Variants in CLEC11A observed in about 807,000 individuals in gnomAD.
CLEC11A encodes C-type lectin domain containing 11A, also known as C-type lectin domain family 11 member A.
In CLEC11A, 35 loss-of-function variants were observed where a neutral mutation model predicts 33.9. The observed-to-expected ratio is 1.03, with a 90% CI of 0.79 to 1.37. CLEC11A has a LOEUF of 1.37. CLEC11A is among the 40% of genes most tolerant of loss of function. The pLI is 0.00. For missense variants in CLEC11A, 519 were observed against 455.5 expected, an observed-to-expected ratio of 1.14 and a Z score of -1.27; for synonymous variants, 220 against 202.2, an observed-to-expected ratio of 1.09 and a Z score of -0.75.
In CLEC11A at chr19:50,724,955, G is replaced by A; in HGVS notation, c.527-67G>A. On this transcript the variant is annotated intron_variant, in intron 3 of 3. Coordinates refer to ENST00000250340, the MANE Select transcript of CLEC11A (RefSeq NM_002975.3). This position sits in a 1 kb window ranked among gnomAD's most constrained non-coding sequence, Gnocchi z 4.1. ...GCCTCCCTCCACCCCCGGATGTTTT[G>A]TCCTCGCCCCCTTCCAGACTCTGAA... 1.5e-6 allele frequency: 2 copies of A among 1,332,856 alleles called. No homozygotes were observed. Among genetic ancestry groups the A allele is most frequent in the Non-Finnish European group, 9.6e-7 (1 of 1,042,670 alleles). 82.6% of individuals were successfully genotyped at this position (1,332,856 alleles called of 1,614,324 possible). A position where few individuals can be genotyped will look rare whatever the true frequency, so the allele number is the denominator to read the frequency against.
chr19:50,725,087 G>C lies in CLEC11A; in HGVS notation c.592G>C (p.Ala198Pro). The change falls in exon 4 of 4, where the codon GCG becomes CCG. Residue 198 changes from alanine (A) to proline (P), a missense_variant. Transcript: ENST00000250340. ...FLLSRDFEAQ[A>P]AAQARCTARG... ...GCTCTCGCGCGACTTCGAAGCTCAG[G>C]CGGCGGCGCAGGCGCGGTGCACGGC... 5 of 1,522,104 alleles carry C rather than the reference G, an allele frequency of 3.3e-6. No individual in the cohort carries two copies. Among genetic ancestry groups the C allele is most frequent in the Non-Finnish European group, 4.4e-6 (5 of 1,137,110 alleles). The allele number at this position is 1,522,104 out of a possible 1,614,324, so 94.3% of individuals were successfully genotyped here.
In CLEC11A at chr19:50,724,209, C is replaced by T. The variant is rs1411960161; in HGVS notation, c.334+118C>T. On this transcript the variant is annotated intron_variant, in intron 2 of 3. Coordinates refer to ENST00000250340, the MANE Select transcript of CLEC11A (RefSeq NM_002975.3). The surrounding 1 kb of genome is among the most constrained non-coding windows in gnomAD (Gnocchi z 4.1). ...CAGTTGTCCATTGCCCAGCCCAGAG[C>T]CCCCACACCCCTAGGAGCCCCAGGT... The T allele has an allele frequency of 1.3e-6, 2 of 1,498,420 alleles. No individual in the cohort carries two copies. Among genetic ancestry groups the T allele is most frequent in the African/African-American group, 1.4e-5 (1 of 71,066 alleles). The allele number at this position is 1,498,420 out of a possible 1,614,324, so 92.8% of individuals were successfully genotyped here.
Position 50,724,545 on chromosome 19 carries a change from T to G in CLEC11A, c.470T>G (p.Val157Gly). ...GCGGCAGGCGACACCCGCGATGCCG[T>G]GCAAGCCCTGCAGGAGGCGCAGGGT... ...RNAAGDTRDA[V>G]QALQEAQGRA... is the part of the protein sequence containing the mutation. The change falls in exon 3 of 4, where the codon GTG becomes GGG. Residue 157 changes from valine (V) to glycine (G), a missense_variant. Transcript: ENST00000250340. This position sits in a 1 kb window ranked among gnomAD's most constrained non-coding sequence, Gnocchi z 4.1. 6.6e-7 allele frequency: 1 copy of G among 1,518,808 alleles called. No individual in the cohort carries two copies. The highest frequency in any genetic ancestry group is 2.0e-5 in the Admixed American group (1 of 50,064). 94.1% of individuals were successfully genotyped at this position (1,518,808 alleles called of 1,614,324 possible).
In CLEC11A at chr19:50,724,005, G is replaced by C. The variant is rs761689226; in HGVS notation, c.248G>C (p.Gly83Ala). ...GACTGGGAGATGGAGGAGGACCAGGGGGAGGAAGAGGAGGAGGAAGCAACG... is the reference window on the plus strand; with the variant it reads ...GACTGGGAGATGGAGGAGGACCAGGCGGAGGAAGAGGAGGAGGAAGCAACG... ...KEDWEMEEDQ[G>A]EEEEEEATPT... Residue 83 changes from glycine (G) to alanine (A), a missense_variant, in exon 2 of 4, where the codon GGG becomes GCG. Transcript: ENST00000250340. The surrounding 1 kb of genome is among the most constrained non-coding windows in gnomAD (Gnocchi z 4.1). 6.2e-7 allele frequency: 1 copy of C among 1,612,766 alleles called. No individual in the cohort carries two copies. Among genetic ancestry groups the C allele is most frequent in the South Asian group, 1.1e-5 (1 of 91,040 alleles).
chr19:50,725,089 G>A lies in CLEC11A; in HGVS notation c.594G>A (p.Ala198=), dbSNP rs771250677. 11 of 1,521,382 alleles carry A rather than the reference G, an allele frequency of 7.2e-6. No individual in the cohort carries two copies. The African/African-American group carries it at 1.4e-4, about 20-fold the overall frequency. 94.2% of individuals were successfully genotyped at this position (1,521,382 alleles called of 1,614,324 possible). ...TCTCGCGCGACTTCGAAGCTCAGGC[G>A]GCGGCGCAGGCGCGGTGCACGGCGC... ...FLLSRDFEAQ[A]AAQARCTARG... Residue 198 remains alanine (A), a synonymous_variant, in exon 4 of 4, where the codon GCG becomes GCA. Transcript: ENST00000250340.
At position 50,723,413 on chromosome 19, in the gene CLEC11A, TG is replaced by T; in HGVS notation, c.-108del. 9.3e-7 allele frequency: 1 copy of T among 1,074,674 alleles called. No individual in the cohort carries two copies. Among genetic ancestry groups the T allele is most frequent in the Non-Finnish European group, 1.4e-6 (1 of 721,908 alleles). The allele number at this position is 1,074,674 out of a possible 1,614,324, so 66.6% of individuals were successfully genotyped here. Reference sequence around the variant, plus strand: ...AGAGAAGCTGGGAGAATCGGGAACCTGGGGGCTAGTGACCTGCACACAGGGC... The same window carrying T: ...AGAGAAGCTGGGAGAATCGGGAACCTGGGGCTAGTGACCTGCACACAGGGC... On this transcript the variant is annotated 5_prime_UTR_variant, in exon 1 of 4. Transcript: ENST00000250340. The surrounding 1 kb of genome is among the most constrained non-coding windows in gnomAD (Gnocchi z 4.1).
Position 50,725,568 on chromosome 19 carries a change from T to A in CLEC11A, c.*101T>A. The A allele has an allele frequency of 2.8e-6, 4 of 1,447,674 alleles. No homozygotes were observed. Among genetic ancestry groups the A allele is most frequent in the Non-Finnish European group, 3.6e-6 (4 of 1,096,682 alleles). The allele number at this position is 1,447,674 out of a possible 1,614,324, so 89.7% of individuals were successfully genotyped here. Reference sequence around the variant, plus strand: ...TCTCCCTTCCCTTCCTGGCCACGAATGGCAGCGTCCTCCCCGACCCCCAGT... The same window carrying A: ...TCTCCCTTCCCTTCCTGGCCACGAAAGGCAGCGTCCTCCCCGACCCCCAGT... On this transcript the variant is annotated 3_prime_UTR_variant, in exon 4 of 4. Coordinates refer to ENST00000250340, the MANE Select transcript of CLEC11A (RefSeq NM_002975.3).
chr19:50,725,053 G>A lies in CLEC11A; in HGVS notation c.558G>A (p.Lys186=), dbSNP rs1440181303. Residue 186 remains lysine, a synonymous_variant, in exon 4 of 4, where the codon AAG becomes AAA. Transcript: ENST00000250340. Reference sequence around the variant, plus strand: ...TGAAGGGGCTGCGCCTGGGCCACAAGTGCTTCCTGCTCTCGCGCGACTTCG... The same window carrying A: ...TGAAGGGGCTGCGCCTGGGCCACAAATGCTTCCTGCTCTCGCGCGACTTCG... ...GCLKGLRLGH[K]CFLLSRDFEA... is the part of the protein sequence containing the mutation. The A allele has an allele frequency of 6.6e-7, 1 of 1,515,402 alleles. No individual in the cohort carries two copies. The highest frequency in any genetic ancestry group is 1.3e-5 in the South Asian group (1 of 78,600). The allele number at this position is 1,515,402 out of a possible 1,614,324, so 93.9% of individuals were successfully genotyped here. A position where few individuals can be genotyped will look rare whatever the true frequency, so the allele number is the denominator to read the frequency against.
Position 50,724,763 on chromosome 19 carries a change from G to T in CLEC11A, c.526+162G>T, listed in dbSNP as rs1041540623. Among the ~76,000 whole-genome samples the T allele has an allele frequency of 2.0e-5, 3 of 152,028 alleles. No homozygotes were observed. The highest frequency in any genetic ancestry group is 6.5e-5 in the Admixed American group (1 of 15,288). Reference sequence around the variant, plus strand: ...AGCTGGGAGGCTGAATGCAGGGAGCGGGTGGGCACTCCAGACCCGCGCGGA... The same window carrying T: ...AGCTGGGAGGCTGAATGCAGGGAGCTGGTGGGCACTCCAGACCCGCGCGGA... On this transcript the variant is annotated intron_variant, in intron 3 of 3. Coordinates refer to ENST00000250340, the MANE Select transcript of CLEC11A (RefSeq NM_002975.3). The surrounding 1 kb of genome is among the most constrained non-coding windows in gnomAD (Gnocchi z 4.1).
At position 50,723,904 on chromosome 19, in the gene CLEC11A, G is replaced by A. The variant is rs115707451; in HGVS notation, c.148-1G>A. The A allele has an allele frequency of 6.7e-4, 1,079 of 1,605,460 alleles. 7 individuals carry two copies. The African/African-American group carries it at 0.012, about 18-fold the overall frequency. On this transcript the variant is annotated splice_acceptor_variant, in intron 1 of 3. Transcript: ENST00000250340. LOFTEE classifies it high-confidence loss of function. This position sits in a 1 kb window ranked among gnomAD's most constrained non-coding sequence, Gnocchi z 4.1. The stretch of plus-strand genomic sequence containing the variant: ...GGCTCACCACCCCTCCCCTGCCCCA[G>A]CATCTGCAGGAAGCCCTAGGACTGC...
At position 50,724,497 on chromosome 19, in the gene CLEC11A, A is replaced by G. The variant is rs1163617798; in HGVS notation, c.422A>G (p.Gln141Arg). ...GACACCCGCGTGGTCGAGCTGACCCAGGGGCTGCGGCAGCTGCGGAACGCG... is the reference window on the plus strand; with the variant it reads ...GACACCCGCGTGGTCGAGCTGACCCGGGGGCTGCGGCAGCTGCGGAACGCG... ...ALDTRVVELT[Q>R]GLRQLRNAAG... Residue 141 changes from glutamine to arginine, a missense_variant, in exon 3 of 4, where the codon CAG becomes CGG. Transcript: ENST00000250340. This position sits in a 1 kb window ranked among gnomAD's most constrained non-coding sequence, Gnocchi z 4.1. 1 of 1,576,040 alleles carries G rather than the reference A, an allele frequency of 6.3e-7. No homozygotes were observed.
Position 50,724,960 on chromosome 19 carries a change from C to T in CLEC11A, c.527-62C>T, listed in dbSNP as rs796623203. On this transcript the variant is annotated intron_variant, in intron 3 of 3. Coordinates refer to ENST00000250340, the MANE Select transcript of CLEC11A (RefSeq NM_002975.3). The surrounding 1 kb of genome is among the most constrained non-coding windows in gnomAD (Gnocchi z 4.1). The stretch of plus-strand genomic sequence containing the variant: ...CCTCCACCCCCGGATGTTTTGTCCT[C>T]GCCCCCTTCCAGACTCTGAATGCAT... 9.9e-6 allele frequency: 14 copies of T among 1,413,496 alleles called. No homozygotes were observed. In the African/African-American group the frequency reaches 1.8e-4, roughly 18 times the overall value. 87.6% of individuals were successfully genotyped at this position (1,413,496 alleles called of 1,614,324 possible). A position where few individuals can be genotyped will look rare whatever the true frequency, so the allele number is the denominator to read the frequency against.
rs2089169494 is a variant in CLEC11A, at chr19:50,724,689, G to T, written c.526+88G>T. On this transcript the variant is annotated intron_variant, in intron 3 of 3. Transcript: ENST00000250340. This position sits in a 1 kb window ranked among gnomAD's most constrained non-coding sequence, Gnocchi z 4.1. ...TGAGAAGGTGACCCTAGGTGTCCGGGGCGGGAGAGTTCGGGAGAGCTGCTG... is the reference window on the plus strand; with the variant it reads ...TGAGAAGGTGACCCTAGGTGTCCGGTGCGGGAGAGTTCGGGAGAGCTGCTG... 5 of 1,303,244 alleles carry T rather than the reference G, an allele frequency of 3.8e-6. No individual in the cohort carries two copies. The African/African-American group carries it at 7.8e-5, about 20-fold the overall frequency. The allele number at this position is 1,303,244 out of a possible 1,614,324, so 80.7% of individuals were successfully genotyped here.
At position 50,723,370 on chromosome 19, in the gene CLEC11A, G is replaced by A; in HGVS notation, c.-156G>A. On this transcript the variant is annotated 5_prime_UTR_variant, in exon 1 of 4. Transcript: ENST00000250340. The surrounding 1 kb of genome is among the most constrained non-coding windows in gnomAD (Gnocchi z 4.1). ...GGAGACCAACGGACCGGACAGAGAC[G>A]AGGAGAGGAACAGGAAGAGAGAAGC... 3.5e-5 allele frequency: 26 copies of A among 736,258 alleles called. No individual in the cohort carries two copies. In the South Asian group the frequency reaches 3.9e-4, roughly 11 times the overall value. 45.6% of individuals were successfully genotyped at this position (736,258 alleles called of 1,614,324 possible).
chr19:50,723,939 G>C lies in CLEC11A; in HGVS notation c.182G>C (p.Arg61Thr). The change falls in exon 2 of 4, where the codon AGG becomes ACG. Residue 61 changes from arginine (R) to threonine (T), a missense_variant. Transcript: ENST00000250340. This position sits in a 1 kb window ranked among gnomAD's most constrained non-coding sequence, Gnocchi z 4.1. ...LQEALGLPAGRGDENPAGTVE... is the reference protein window; with the variant it reads ...LQEALGLPAGTGDENPAGTVE... ...GAAGCCCTAGGACTGCCTGCTGGGA[G>C]GGGGGATGAGAATCCTGCCGGAACT... 1 of 1,613,354 alleles carries C rather than the reference G, an allele frequency of 6.2e-7. No individual in the cohort carries two copies. Among genetic ancestry groups the C allele is most frequent in the Middle Eastern group, 1.7e-4 (1 of 5,956 alleles).
rs768890478 is a variant in CLEC11A, at chr19:50,723,562, C to T, written c.37C>T (p.Pro13Ser). 3.1e-6 allele frequency: 5 copies of T among 1,612,376 alleles called. No individual in the cohort carries two copies. The highest frequency in any genetic ancestry group is 4.2e-6 in the Non-Finnish European group (5 of 1,179,984). The change falls in exon 1 of 4, where the codon CCC becomes TCC. Residue 13 changes from proline to serine, a missense_variant. Physicochemically the swap from Pro to Ser is moderately conservative, Grantham distance 74. Transcript: ENST00000250340. This position sits in a 1 kb window ranked among gnomAD's most constrained non-coding sequence, Gnocchi z 4.1. ...CTGGCTTTTGGGGGCTTTGGTGGTC[C>T]CCCAGCTCTTGGGCTTTGGCCATGG... is the stretch of plus-strand genomic sequence containing the variant. ...AAWLLGALVVPQLLGFGHGAR... is the reference protein window; with the variant it reads ...AAWLLGALVVSQLLGFGHGAR...
In CLEC11A at chr19:50,724,589, G is replaced by A; in HGVS notation, c.514G>A (p.Gly172Ser). The stretch of plus-strand genomic sequence containing the variant: ...GCAGGGTCGCGCCGAGCGCGAGCAC[G>A]GCCGCTTGGAGGGTGAGTCCGCGGC... ...EAQGRAEREH[G>S]RLEGCLKGLR... The change falls in exon 3 of 4, where the codon GGC (glycine) becomes AGC (serine). Residue 172 changes from glycine (G) to serine (S), a missense_variant. Transcript: ENST00000250340. The surrounding 1 kb of genome is among the most constrained non-coding windows in gnomAD (Gnocchi z 4.1). 7.0e-7 allele frequency: 1 copy of A among 1,419,558 alleles called. No homozygotes were observed. The highest frequency in any genetic ancestry group is 2.8e-5 in the East Asian group (1 of 35,416). The allele number at this position is 1,419,558 out of a possible 1,614,324, so 87.9% of individuals were successfully genotyped here.
rs776301150 is a variant in CLEC11A, at chr19:50,724,075, C to T, written c.318C>T (p.Asp106=). Residue 106 remains aspartate (D), a synonymous_variant, in exon 2 of 4, where the codon GAC becomes GAT. Transcript: ENST00000250340. This position sits in a 1 kb window ranked among gnomAD's most constrained non-coding sequence, Gnocchi z 4.1. Reference sequence around the variant, plus strand: ...CCAGCCCCTCTCCCACCCCTGAGGACATCGTCACTTACATCCGTGAGTAAC... The same window carrying T: ...CCAGCCCCTCTCCCACCCCTGAGGATATCGTCACTTACATCCGTGAGTAAC... ...SGPSPSPTPE[D]IVTYILGRLA... is the part of the protein sequence containing the mutation. 30 of 1,613,040 alleles carry T rather than the reference C, an allele frequency of 1.9e-5. No homozygotes were observed. In the African/African-American group the frequency reaches 3.6e-4, roughly 19 times the overall value.
chr19:50,725,373 T>G lies in CLEC11A; in HGVS notation c.878T>G (p.Leu293Arg). 6.2e-7 allele frequency: 1 copy of G among 1,612,092 alleles called. No homozygotes were observed. Among genetic ancestry groups the G allele is most frequent in the Non-Finnish European group, 8.5e-7 (1 of 1,179,494 alleles). ...CCGGACCAGCCCAACGGTGGCACGC[T>G]CGAGAACTGCGTGGCGCAGGCCTCT... is the stretch of plus-strand genomic sequence containing the variant. ...LSPDQPNGGT[L>R]ENCVAQASDD... is the part of the protein sequence containing the mutation. The change falls in exon 4 of 4, where the codon CTC becomes CGC. Residue 293 changes from leucine to arginine, a missense_variant. Coordinates refer to ENST00000250340, the MANE Select transcript of CLEC11A (RefSeq NM_002975.3).
Sources: allele counts gnomAD v4.1 joint callset (sites outside exome capture counted in the v4.1 genomes callset), GRCh38; gene constraint gnomAD v4.1.1; non-coding constraint Gnocchi (gnomAD v3.1); transcripts MANE v1.5; gene names NCBI Gene and HGNC (gene_info 2026-07-23, HGNC 2026-07-21).